CENPI: variants seen among roughly 807,000 people sequenced by gnomAD.
CENPI encodes the protein FSH primary response 1.
A neutral mutation model predicts 60.4 loss-of-function variants in CENPI; 4 were observed. That is an observed-to-expected ratio of 0.07 (90% CI 0.03 to 0.15). CENPI has a LOEUF of 0.15. Ranked by LOEUF, CENPI falls within the 10% of genes least tolerant of loss-of-function variation. The pLI is 1.00. For missense variants in CENPI, 444 were observed against 534.5 expected (o/e 0.83, Z 1.67); for synonymous variants, 157 against 189.4 (o/e 0.83, Z 1.40).
chrX:101,126,712 A>G lies in CENPI; in HGVS notation c.691A>G (p.Met231Val). Residue 231 changes from methionine (M) to valine (V), a missense_variant, in exon 9 of 22, where the codon ATG becomes GTG. By Grantham distance (21) the Met-to-Val change is conservative (BLOSUM62 1). Coordinates refer to ENST00000682095, the MANE Select transcript of CENPI (RefSeq NM_001386188.2). ...TGGAAAACTTATTTTATTTCAGGGA[A>G]TGCAGCCTCATCTCCAGGCTTTGTT... ...KLLDLQAKMGMQPHLQALLSL... is the reference protein window; with the variant it reads ...KLLDLQAKMGVQPHLQALLSL... 1 of 1,201,174 alleles carries G rather than the reference A, an allele frequency of 8.3e-7. No individual in the cohort carries two copies.
intron 6 of CENPI, among the ~76,000 whole-genome samples, chrX:101,115,056 C>T (rs745387747): frequency 2.7e-5 from 3 of 109,691 alleles, no homozygotes; most frequent in East Asian, 2.8e-4. Flanking sequence ...GTCCACCTCC[C>T]GGGTTCAAGT....
chrX:101,179,816 G>A, the CENPI span, among the ~76,000 whole-genome samples: 2 of 112,230 alleles, frequency 1.8e-5, no homozygotes, highest in African/African-American at 3.2e-5. Flanking sequence ...CACTGCACCC[G>A]GCCTGAATGC....
At chrX:101,156,306 G>A (rs1463502352) in intron 20 of CENPI, among the ~76,000 whole-genome samples, 1 of 111,271 alleles carries the variant, frequency 9.0e-6, no homozygotes, top group East Asian at 2.8e-4. Context: ...CACTGCTCCC[G>A]CCTTATCCTC....
At chrX:101,114,951 TA>T (rs1255290947) in intron 6 of CENPI, among the ~76,000 whole-genome samples, 7 of 56,236 alleles carry the variant, frequency 1.2e-4, no homozygotes, top group African/African-American at 2.1e-4. Context: ...TATTAGTACA[TA>T]AAAAAATTTT....
intron 20 of CENPI, among the ~76,000 whole-genome samples, chrX:101,157,657 A>G (rs78912655): frequency 1.9e-5 from 2 of 107,877 alleles, no homozygotes; most frequent in African/African-American, 6.7e-5. Context: ...CTCAAAAAAA[A>G]AAAAAAAAAA....
chrX:101,102,392 T>G lies in CENPI; in HGVS notation c.345T>G (p.Ile115Met). ...ASEEIDILLN[I>M]ALSGKFGNAV... Reference sequence around the variant, plus strand: ...AAGAAATTGATATTCTATTAAATATTGCACTCAGTGGCAAATTTGGTATGT... The same window carrying G: ...AAGAAATTGATATTCTATTAAATATGGCACTCAGTGGCAAATTTGGTATGT... Residue 115 changes from isoleucine to methionine, a missense_variant, in exon 4 of 22, where the codon ATT (isoleucine) becomes ATG (methionine). Transcript: ENST00000682095. 1 of 1,183,967 alleles carries G rather than the reference T, an allele frequency of 8.4e-7. No homozygotes were observed. Among genetic ancestry groups the G allele is most frequent in the Non-Finnish European group, 1.1e-6 (1 of 880,960 alleles).
At chrX:101,112,364 A>G (rs2089563709) in intron 6 of CENPI, among the ~76,000 whole-genome samples, 1 of 112,104 alleles carries the variant, frequency 8.9e-6, no homozygotes, top group Admixed American at 9.6e-5. Context: ...TTCCAGATGA[A>G]CAAGTACGAT....
chrX:101,116,342 A>G (rs1398894511), intron 6 of CENPI, among the ~76,000 whole-genome samples: 1 of 109,278 alleles, frequency 9.2e-6, no homozygotes, highest in Non-Finnish European at 1.9e-5. Context: ...AGTGTATTTT[A>G]TGTGTGGCTC....
chrX:101,113,968 A>G, intron 6 of CENPI, among the ~76,000 whole-genome samples: 1 of 112,028 alleles, frequency 8.9e-6, no homozygotes, highest in East Asian at 2.8e-4. Context: ...TTTAAAAAAC[A>G]GCTTTAGGCC....
chrX:101,166,597 A>G (rs145341579), downstream of CENPI, among the ~76,000 whole-genome samples: 824 of 112,781 alleles, frequency 7.3e-3, 10 homozygotes, highest in African/African-American at 0.025. Flanking sequence ...CTTTGGTGCA[A>G]AACATGTCTA....
chrX:101,145,453 G>A (rs1481760816), intron 17 of CENPI, among the ~76,000 whole-genome samples: 1 of 110,657 alleles, frequency 9.0e-6, no homozygotes, highest in Non-Finnish European at 1.9e-5. Flanking sequence ...ACTGGCCCTA[G>A]AGAGAAGTCT....
At chrX:101,154,435 G>A (rs964996978) in intron 20 of CENPI, among the ~76,000 whole-genome samples, 2 of 110,577 alleles carry the variant, frequency 1.8e-5, no homozygotes, top group African/African-American at 6.6e-5. Flanking sequence ...TTAGCCAGGC[G>A]TGGTGGCATG....
chrX:101,105,059 A>G (rs1194858550), intron 4 of CENPI, among the ~76,000 whole-genome samples: 1 of 111,800 alleles, frequency 8.9e-6, no homozygotes, highest in Non-Finnish European at 1.9e-5. Context: ...CTCTATTTTT[A>G]TCTGATTAGT....
intron 15 of CENPI, among the ~76,000 whole-genome samples, chrX:101,138,627 AGAT>A (rs1380958894): frequency 9.4e-5 from 10 of 106,400 alleles, no homozygotes; most frequent in Non-Finnish European, 1.9e-4. Context: ...CGCCCAGCCA[AGAT>A]TTTTTTTTTT....
In CENPI at chrX:101,103,584, G is replaced by C. The variant is rs752374208; in HGVS notation, c.364+1173G>C. On this transcript the variant is annotated intron_variant, in intron 4 of 21. Transcript: ENST00000682095. ...TCGAACTCCCGACCTCAGGTGATCC[G>C]CCCACCTCGGCCTTCCAAAGTGCTG... Among the ~76,000 whole-genome samples, 24 of 109,879 alleles carry C rather than the reference G, an allele frequency of 2.2e-4. No individual in the cohort carries two copies. In the South Asian group the frequency reaches 5.1e-3, roughly 23 times the overall value.
intron 6 of CENPI, among the ~76,000 whole-genome samples, chrX:101,114,839 C>G (rs1465609313): frequency 9.0e-6 from 1 of 110,738 alleles, no homozygotes; most frequent in African/African-American, 3.3e-5. Context: ...CAGGGTTTCT[C>G]CATGTTGGTC....
rs184304408 is a variant in CENPI at position 101,101,085 on chromosome X, G to T, written c.15G>T (p.Lys5Asn). The T allele has an allele frequency of 8.3e-7, 1 of 1,206,471 alleles. No individual in the cohort carries two copies. Reference protein sequence around the residue: MSPQKRVKNVQAQNR... With the variant: MSPQNRVKNVQAQNR... ...CATATGCAGTAATGTCACCTCAAAAGAGAGTTAAGAACGTCCAGGCACAAA... is the reference window on the plus strand; with the variant it reads ...CATATGCAGTAATGTCACCTCAAAATAGAGTTAAGAACGTCCAGGCACAAA... Residue 5 changes from lysine (K) to asparagine (N), a missense_variant, in exon 3 of 22, where the codon AAG becomes AAT. Lys to Asn is a moderately conservative substitution (Grantham distance 94). Transcript: ENST00000682095.
At chrX:101,181,702 G>C in the CENPI span, among the ~76,000 whole-genome samples, 36 of 111,879 alleles carry the variant, frequency 3.2e-4, no homozygotes, top group African/African-American at 1.1e-3. Flanking sequence ...AGAATTATCT[G>C]TATACAAGAT....
rs988463664 is a variant in CENPI at position 101,112,377 on chromosome X, T to C, written c.591+2379T>C. ...TTTTCCAGATGAACAAGTACGATGT[T>C]CTAAATTCATACATGGATAAAAGAT... On this transcript the variant is annotated intron_variant, in intron 6 of 21. Coordinates refer to ENST00000682095, the MANE Select transcript of CENPI (RefSeq NM_001386188.2). Among the ~76,000 whole-genome samples the C allele has an allele frequency of 3.6e-5, 4 of 111,954 alleles. No individual in the cohort carries two copies. The Admixed American group carries it at 3.8e-4, about 11-fold the overall frequency.
Sources: allele counts gnomAD v4.1 joint callset (sites outside exome capture counted in the v4.1 genomes callset), GRCh38; gene constraint gnomAD v4.1.1; transcripts MANE v1.5; gene names NCBI Gene and HGNC (gene_info 2026-07-23, HGNC 2026-07-21).